Variants in CCNY observed in about 807,000 individuals in gnomAD.
CCNY encodes cyclin-Y.
A neutral mutation model predicts 42.8 loss-of-function variants in CCNY; 19 were observed. That is an observed-to-expected ratio of 0.44 (90% CI 0.31 to 0.65). CCNY has a LOEUF of 0.65. Among genes scored for constraint, CCNY ranks in the 30% least tolerant of loss-of-function variants. CCNY has a pLI of 0.07. For missense variants in CCNY, 370 were observed against 437.3 expected, an observed-to-expected ratio of 0.85 and a Z score of 1.37; for synonymous variants, 165 against 162.7, an observed-to-expected ratio of 1.01 and a Z score of -0.11.
chr10:35,302,936 C>T (rs1835555441), intron 3 of CCNY, among the ~76,000 whole-genome samples: 1 of 152,168 alleles, frequency 6.6e-6, no homozygotes, highest in South Asian at 2.1e-4. Flanking sequence ...TGGCTCATGC[C>T]TGTAATCCCA....
At chr10:35,449,326 C>T (rs1281886707) in intron 1 of CCNY, among the ~76,000 whole-genome samples, 2 of 151,192 alleles carry the variant, frequency 1.3e-5, no homozygotes, top group Non-Finnish European at 2.9e-5. Context: ...CGGCAGTCAG[C>T]GAGGGAGACA....
intron 3 of CCNY, among the ~76,000 whole-genome samples, chr10:35,288,061 A>G (rs1173315494): frequency 6.6e-6 from 1 of 152,226 alleles, no homozygotes; most frequent in African/African-American, 2.4e-5. Context: ...TGGATGTATC[A>G]TTTACATCCC....
At chr10:35,549,299 G>C (rs1447002590) in intron 7 of CCNY, among the ~76,000 whole-genome samples, 1 of 152,152 alleles carries the variant, frequency 6.6e-6, no homozygotes, top group Non-Finnish European at 1.5e-5. Flanking sequence ...GATGAGGGGT[G>C]GGGGGTTCTG....
chr10:35,382,411 G>A (rs1468594820), intron 1 of CCNY, among the ~76,000 whole-genome samples: 2 of 152,218 alleles, frequency 1.3e-5, no homozygotes, highest in Admixed American at 6.5e-5. Flanking sequence ...GGAGGGGGCC[G>A]TGGCGCCTTT....
intron 1 of CCNY, among the ~76,000 whole-genome samples, chr10:35,363,424 G>A (rs1589062648): frequency 6.6e-6 from 1 of 152,128 alleles, no homozygotes; most frequent in East Asian, 1.9e-4. Context: ...TTCCCAGACG[G>A]TGGGGCTGCC....
intron 3 of CCNY, among the ~76,000 whole-genome samples, chr10:35,512,501 A>G (rs541871234): frequency 3.9e-5 from 6 of 152,352 alleles, no homozygotes; most frequent in African/African-American, 1.4e-4. Flanking sequence ...AACCCCAGAA[A>G]GAAAAAAGCT....
chr10:35,252,050 A>C (rs2095712378), intron 3 of CCNY, among the ~76,000 whole-genome samples: 2 of 152,216 alleles, frequency 1.3e-5, no homozygotes, highest in African/African-American at 4.8e-5. Context: ...TTACAAAACA[A>C]GGAAATGTGT....
intron 3 of CCNY, among the ~76,000 whole-genome samples, chr10:35,301,247 A>G (rs1398930473): frequency 6.6e-6 from 1 of 152,252 alleles, no homozygotes; most frequent in Non-Finnish European, 1.5e-5. Flanking sequence ...AAATACAAGC[A>G]TAATATTCCT....
intron 9 of CCNY, among the ~76,000 whole-genome samples, chr10:35,568,552 C>T (rs1841618211): frequency 6.6e-6 from 1 of 152,212 alleles, no homozygotes; most frequent in Non-Finnish European, 1.5e-5. Flanking sequence ...GACTTAAGTC[C>T]TCCATCCTTT....
Position 35,571,162 on chromosome 10 carries a change from C to T in CCNY, c.*1992C>T, listed in dbSNP as rs1378297350. 6.6e-6 allele frequency: 1 copy of T among 152,152 alleles called. No individual in the cohort carries two copies. Among genetic ancestry groups the T allele is most frequent in the Non-Finnish European group, 1.5e-5 (1 of 68,020 alleles). The allele number at this position is 152,152 out of a possible 1,614,324, so 9.4% of individuals were successfully genotyped here. On this transcript the variant is annotated 3_prime_UTR_variant, in exon 10 of 10. Transcript: ENST00000374704. ...AATTAGTTCCTCTCCAGTGAAGTAT[C>T]TTATTTTACCAATCCATTTCAGGAA... is the stretch of plus-strand genomic sequence containing the variant.
At chr10:35,356,367 A>G (rs1836549066) in intron 1 of CCNY, among the ~76,000 whole-genome samples, 1 of 152,240 alleles carries the variant, frequency 6.6e-6, no homozygotes, top group East Asian at 1.9e-4. Context: ...TTTGTTGGTC[A>G]AAATCCGATT....
chr10:35,496,787 A>C (rs1223157115), intron 2 of CCNY, among the ~76,000 whole-genome samples: 1 of 152,250 alleles, frequency 6.6e-6, no homozygotes, highest in African/African-American at 2.4e-5. Context: ...ATTAATAATC[A>C]CACACTAGGT....
intron 3 of CCNY, among the ~76,000 whole-genome samples, chr10:35,301,749 C>G (rs146234306): frequency 0.027 from 4,085 of 152,200 alleles, 74 homozygotes; most frequent in South Asian, 0.05. Context: ...CCTGCCTCAG[C>G]CTCCTGAGTA....
At position 35,473,843 on chromosome 10, in the gene CCNY, G is replaced by A. The variant is rs548829824; in HGVS notation, c.155-9561G>A. Among the ~76,000 whole-genome samples, 285 of 152,298 alleles carry A rather than the reference G, an allele frequency of 1.9e-3. 2 individuals are homozygous for A. Among genetic ancestry groups the A allele is most frequent in the African/African-American group, 6.6e-3 (273 of 41,564 alleles). On this transcript the variant is annotated intron_variant, in intron 1 of 9. Coordinates refer to ENST00000374704, the MANE Select transcript of CCNY (RefSeq NM_145012.6). ...CCTGTCTACAGCTCCCAGCCTGAGC[G>A]ACGCAGAAGACGGGTGATTTCTGCA... is the stretch of plus-strand genomic sequence containing the variant.
chr10:35,541,143 T>C (rs1840992526), intron 7 of CCNY, among the ~76,000 whole-genome samples: 1 of 152,122 alleles, frequency 6.6e-6, no homozygotes, highest in Admixed American at 6.5e-5. Flanking sequence ...TCTACAGTTA[T>C]GAATTTCTAA....
intron 3 of CCNY, among the ~76,000 whole-genome samples, chr10:35,276,144 G>A (rs1050343544): frequency 2.0e-5 from 3 of 152,174 alleles, no homozygotes; most frequent in Non-Finnish European, 2.9e-5. Flanking sequence ...ACAAGGGATC[G>A]TGACTTACTG....
intron 7 of CCNY, among the ~76,000 whole-genome samples, chr10:35,541,145 A>T (rs559885817): frequency 2.4e-4 from 37 of 152,128 alleles, no homozygotes; most frequent in African/African-American, 8.2e-4. Flanking sequence ...TACAGTTATG[A>T]ATTTCTAAGC....
chr10:35,256,653 C>T (rs572347169), intron 3 of CCNY, among the ~76,000 whole-genome samples: 2 of 151,770 alleles, frequency 1.3e-5, no homozygotes, highest in South Asian at 4.2e-4. Context: ...ACTGCTTGAA[C>T]CCAGGAGGCG....
chr10:35,282,645 C>T (rs557775013), intron 3 of CCNY, among the ~76,000 whole-genome samples: 1 of 150,202 alleles, frequency 6.7e-6, no homozygotes, highest in African/African-American at 2.4e-5. Flanking sequence ...ATCACTTGAA[C>T]CTGGGAGGCA....
Sources: gnomAD v4.1 joint callset for allele counts (sites outside exome capture counted in the v4.1 genomes callset) on GRCh38, gnomAD v4.1.1 for gene constraint, MANE v1.5 for transcripts, NCBI Gene and HGNC (gene_info 2026-07-23, HGNC 2026-07-21) for gene names.